CTNND2: variants seen among roughly 807,000 people sequenced by gnomAD.
The protein encoded by CTNND2 is catenin delta 2, also known as catenin delta-2.
A neutral mutation model predicts 144.4 loss-of-function variants in CTNND2; 22 were observed. The ratio of observed to expected loss-of-function variants is 0.15; its 90% CI spans 0.11 to 0.22. The LOEUF is 0.22. Ranked by LOEUF, CTNND2 falls within the 10% of genes least tolerant of loss-of-function variation. The probability of loss-of-function intolerance (pLI) is 1.00; values close to 1 mark genes in which losing one functional copy is unlikely to be tolerated. For missense variants in CTNND2, 1,353 were observed against 1,618.8 expected (o/e 0.84, Z 2.82); for synonymous variants, 751 against 695.6 (o/e 1.08, Z -1.25).
At chr5:11,037,179 C>T (rs1265047836) in intron 16 of CTNND2, among the ~76,000 whole-genome samples, 2 of 152,162 alleles carry the variant, frequency 1.3e-5, no homozygotes, top group Non-Finnish European at 1.5e-5. Flanking sequence ...GTGCCCTCAC[C>T]ACTCTCATGG....
At chr5:11,733,223 C>A (rs61763013) in intron 1 of CTNND2, among the ~76,000 whole-genome samples, 2,298 of 152,228 alleles carry the variant, frequency 0.015, 64 homozygotes, top group African/African-American at 0.052. Context: ...AGTTCTGAGG[C>A]CTGGACTTGC....
At chr5:11,316,815 T>A (rs1751555848) in intron 9 of CTNND2, among the ~76,000 whole-genome samples, 1 of 152,102 alleles carries the variant, frequency 6.6e-6, no homozygotes, top group African/African-American at 2.4e-5. Flanking sequence ...ACAAAGGACA[T>A]GAACTCATCA....
At chr5:11,861,145 T>C (rs1025472874) in intron 1 of CTNND2, among the ~76,000 whole-genome samples, 1 of 152,198 alleles carries the variant, frequency 6.6e-6, no homozygotes, top group Non-Finnish European at 1.5e-5. Context: ...TGATCACCAG[T>C]GTATGTGATG....
intron 1 of CTNND2, among the ~76,000 whole-genome samples, chr5:11,762,173 C>T (rs1050182627): frequency 6.6e-6 from 1 of 152,124 alleles, no homozygotes; most frequent in Admixed American, 6.6e-5. Flanking sequence ...CCATTCTATA[C>T]ATTTCCTCTT....
At chr5:11,204,904 C>T (rs978133809) in intron 10 of CTNND2, among the ~76,000 whole-genome samples, 5 of 152,054 alleles carry the variant, frequency 3.3e-5, no homozygotes, top group South Asian at 2.1e-4. Flanking sequence ...CAGAAGATAT[C>T]GCTCACCTGC....
At chr5:11,565,749 T>C (rs1777039892) in intron 2 of CTNND2, among the ~76,000 whole-genome samples, 1 of 152,188 alleles carries the variant, frequency 6.6e-6, no homozygotes, top group Non-Finnish European at 1.5e-5. Flanking sequence ...TAATGAATGA[T>C]TCAATCAGTA....
intron 16 of CTNND2, among the ~76,000 whole-genome samples, chr5:11,042,844 A>G (rs532751707): frequency 2.0e-5 from 3 of 152,120 alleles, no homozygotes; most frequent in Non-Finnish European, 4.4e-5. Flanking sequence ...TTTTCCTAAC[A>G]CATATAATGG....
intron 16 of CTNND2, among the ~76,000 whole-genome samples, chr5:11,045,296 G>T: frequency 6.6e-6 from 1 of 152,172 alleles, no homozygotes; most frequent in Non-Finnish European, 1.5e-5. Flanking sequence ...GCTTCAGAAA[G>T]CTTCCACCCA....
In CTNND2 at chr5:11,409,032, CTTTAT is replaced by C. The variant is rs1761312579; in HGVS notation, c.439+2499_439+2503del. The stretch of plus-strand genomic sequence containing the variant: ...ATTTTCCCCAAATAAGTACAACATT[CTTTAT>C]TTTGTTTTCTATTTTTAATCATGAA... On this transcript the variant is annotated intron_variant, in intron 5 of 21. Transcript: ENST00000304623. Among the ~76,000 whole-genome samples the C allele has an allele frequency of 2.0e-5, 3 of 152,006 alleles. No individual in the cohort carries two copies. The South Asian group carries it at 6.2e-4, about 32-fold the overall frequency.
At chr5:11,876,626 C>G (rs1363956469) in intron 1 of CTNND2, among the ~76,000 whole-genome samples, 1 of 152,028 alleles carries the variant, frequency 6.6e-6, no homozygotes, top group East Asian at 1.9e-4. Flanking sequence ...AGTCCAGTAG[C>G]CTGATCTGGG....
At chr5:10,995,911 A>G (rs1429774822) in intron 18 of CTNND2, among the ~76,000 whole-genome samples, 1 of 152,108 alleles carries the variant, frequency 6.6e-6, no homozygotes, top group Non-Finnish European at 1.5e-5. Context: ...ATGGAAAATG[A>G]GAAGAAGTGA....
intron 15 of CTNND2, among the ~76,000 whole-genome samples, chr5:11,088,567 T>A (rs1176591074): frequency 1.3e-5 from 2 of 152,224 alleles, no homozygotes; most frequent in Admixed American, 6.5e-5. Flanking sequence ...TTCATGTTTT[T>A]CTTTTGGAAC....
chr5:11,899,303 T>G (rs1737668835), intron 1 of CTNND2, among the ~76,000 whole-genome samples: 1 of 152,246 alleles, frequency 6.6e-6, no homozygotes, highest in Admixed American at 6.5e-5. Flanking sequence ...TGTACAACAT[T>G]AATCTTTGTA....
chr5:11,252,692 T>A (rs1743784795), intron 9 of CTNND2, among the ~76,000 whole-genome samples: 1 of 152,212 alleles, frequency 6.6e-6, no homozygotes, highest in African/African-American at 2.4e-5. Context: ...GATCAGGTGA[T>A]GGAGGCAGAA....
At chr5:11,012,122 A>G (rs1408522512) in intron 18 of CTNND2, among the ~76,000 whole-genome samples, 1 of 152,068 alleles carries the variant, frequency 6.6e-6, no homozygotes, top group African/African-American at 2.4e-5. Context: ...ACTCCCATGG[A>G]TATATTACTT....
intron 3 of CTNND2, among the ~76,000 whole-genome samples, chr5:11,498,621 C>T (rs1337537429): frequency 2.6e-5 from 4 of 152,154 alleles, no homozygotes; most frequent in Non-Finnish European, 5.9e-5. Context: ...CTTATGGATG[C>T]TCCCATCTTT....
At chr5:11,142,107 A>G (rs1756792095) in intron 12 of CTNND2, among the ~76,000 whole-genome samples, 1 of 152,172 alleles carries the variant, frequency 6.6e-6, no homozygotes, top group Admixed American at 6.5e-5. Context: ...CCAGATACGT[A>G]AGAAATAAAT....
chr5:11,216,122 TG>T (rs1355581574), intron 10 of CTNND2, among the ~76,000 whole-genome samples: 1 of 152,152 alleles, frequency 6.6e-6, no homozygotes, highest in African/African-American at 2.4e-5. Flanking sequence ...CAGGATGTAA[TG>T]TGGCATCCTG....
rs5865929 is a variant in CTNND2, at chr5:11,265,698, ATTT to A, written c.1629-28878_1629-28876del. Among the ~76,000 whole-genome samples, 649 of 77,392 alleles carry A rather than the reference ATTT, an allele frequency of 8.4e-3. 1 individual carries two copies. The highest frequency in any genetic ancestry group is 0.032 in the African/African-American group (594 of 18,398). 50.8% of individuals were successfully genotyped at this position (77,392 alleles called of 152,430 possible). A position where few individuals can be genotyped will look rare whatever the true frequency, so the allele number is the denominator to read the frequency against. On this transcript the variant is annotated intron_variant, in intron 9 of 21. Transcript: ENST00000304623. ...CTCAGCATCACTGTATGTATTCTCT[ATTT>A]TTTTTTTTTTTTTTTTTTTTTTGAG...
Sources: allele counts gnomAD v4.1 joint callset (sites outside exome capture counted in the v4.1 genomes callset), GRCh38; gene constraint gnomAD v4.1.1; transcripts MANE v1.5; gene names NCBI Gene and HGNC (gene_info 2026-07-23, HGNC 2026-07-21).